WIPF1: variants seen among roughly 807,000 people sequenced by gnomAD.
WIPF1 encodes the protein WAS/WASL interacting protein family member 1, also known as WAS/WASL-interacting protein family member 1.
A neutral mutation model predicts 35.4 loss-of-function variants in WIPF1; 13 were observed. The ratio of observed to expected loss-of-function variants is 0.37; its 90% confidence interval spans 0.24 to 0.58. The LOEUF (loss-of-function observed/expected upper bound fraction) is 0.58. Among genes scored for constraint, WIPF1 ranks in the 20% least tolerant of loss-of-function variants. The probability of loss-of-function intolerance (pLI) is 0.74; values close to 1 mark genes in which losing one functional copy is unlikely to be tolerated. For missense variants in WIPF1, 591 were observed against 667.0 expected (o/e 0.89, Z 1.25); for synonymous variants, 267 against 266.3 (o/e 1.00, Z -0.02).
intron 1 of WIPF1, among the ~76,000 whole-genome samples, chr2:174,653,069 T>C (rs892958518): frequency 2.0e-5 from 3 of 152,206 alleles, no homozygotes; most frequent in Non-Finnish European, 4.4e-5. Flanking sequence ...TAATGATCAG[T>C]AGTCCTTTGG....
At position 174,562,451 on chromosome 2, in the gene WIPF1, A is replaced by G. The variant is rs1684509750; in HGVS notation, c.*96T>C. ...CTCCCACCTTTCCTCCTGCCCATAC[A>G]TGAGGCACAAGGGAAGAAGCAGGGA... On this transcript the variant is annotated 3_prime_UTR_variant, in exon 8 of 8. Transcript: ENST00000679041. The G allele has an allele frequency of 1.3e-6, 2 of 1,594,436 alleles. No individual in the cohort carries two copies. Among genetic ancestry groups the G allele is most frequent in the South Asian group, 2.3e-5 (2 of 88,372 alleles).
In WIPF1 at chr2:174,595,109, A is replaced by AAAAAATATATATAT. The variant is rs1553529785; in HGVS notation, c.-39+2491_-39+2492insATATATATATTTTT. On this transcript the variant is annotated intron_variant, in intron 1 of 7. Transcript: ENST00000679041. ...TCTACAAAAAAAAAAAAAAAAAAAA[A>AAAAAATATATATAT]ATATATATATATATATATATATATA... Among the ~76,000 whole-genome samples, 12 of 57,742 alleles carry AAAAAATATATATAT rather than the reference A, an allele frequency of 2.1e-4. 1 individual carries two copies. Among genetic ancestry groups the AAAAAATATATATAT allele is most frequent in the African/African-American group, 2.7e-4 (3 of 11,150 alleles). 37.9% of individuals were successfully genotyped at this position (57,742 alleles called of 152,430 possible).
intron 1 of WIPF1, among the ~76,000 whole-genome samples, chr2:174,679,819 TAC>T (rs1192921429): frequency 6.6e-6 from 1 of 152,182 alleles, no homozygotes; most frequent in East Asian, 1.9e-4. Flanking sequence ...CCATAATACC[TAC>T]AGAGTGAGGA....
chr2:174,584,963 C>T (rs1286979507), intron 2 of WIPF1, among the ~76,000 whole-genome samples: 1 of 151,430 alleles, frequency 6.6e-6, no homozygotes, highest in African/African-American at 2.4e-5. Flanking sequence ...AAATAAACAT[C>T]TAAATGCCTA....
At chr2:174,573,124 A>G (rs1177419313) in intron 4 of WIPF1, among the ~76,000 whole-genome samples, 2 of 152,138 alleles carry the variant, frequency 1.3e-5, no homozygotes, top group African/African-American at 2.4e-5. Flanking sequence ...TTTTTTTGGT[A>G]CCACGTCAAC....
At chr2:174,679,698 A>C (rs1688211024) in intron 1 of WIPF1, among the ~76,000 whole-genome samples, 1 of 152,224 alleles carries the variant, frequency 6.6e-6, no homozygotes, top group African/African-American at 2.4e-5. Flanking sequence ...AAGTGTATTA[A>C]GCAGAATAGC....
At chr2:174,635,529 G>GTTTTTTT (rs1197924942) in intron 1 of WIPF1, among the ~76,000 whole-genome samples, 37 of 115,600 alleles carry the variant, frequency 3.2e-4, no homozygotes, top group African/African-American at 6.1e-4. Context: ...CCTTCTGTTT[G>GTTTTTTT]TTTTTTTTTT....
intron 4 of WIPF1, among the ~76,000 whole-genome samples, chr2:174,573,201 A>C (rs1328182552): frequency 6.6e-6 from 1 of 150,964 alleles, no homozygotes; most frequent in Non-Finnish European, 1.5e-5. Context: ...GGAGAAACTA[A>C]AGGGGGAACC....
chr2:174,618,274 G>C (rs928814283), intron 1 of WIPF1, among the ~76,000 whole-genome samples: 7 of 152,202 alleles, frequency 4.6e-5, no homozygotes, highest in Non-Finnish European at 1.0e-4. Flanking sequence ...GTCCTGAAAA[G>C]CTCGGCACAG....
At chr2:174,679,467 CAA>C (rs202032725) in intron 1 of WIPF1, among the ~76,000 whole-genome samples, 49 of 107,476 alleles carry the variant, frequency 4.6e-4, no homozygotes, top group African/African-American at 7.5e-4. Context: ...AAATTTGTCT[CAA>C]AAAAAAAAAA....
chr2:174,639,616 C>G (rs1016327483), intron 1 of WIPF1, among the ~76,000 whole-genome samples: 1 of 151,934 alleles, frequency 6.6e-6, no homozygotes, highest in African/African-American at 2.4e-5. Flanking sequence ...GATATTAACC[C>G]CTTGTCAGAT....
intron 4 of WIPF1, 21 bp downstream of exon 4, chr2:174,575,183 A>G: frequency 6.3e-7 from 1 of 1,593,104 alleles, no homozygotes; most frequent in Non-Finnish European, 8.6e-7. Flanking sequence ...AGTCACTCAG[A>G]GACAGGGAAA....
intron 1 of WIPF1, among the ~76,000 whole-genome samples, chr2:174,652,523 G>A (rs758055451): frequency 1.3e-5 from 2 of 152,176 alleles, no homozygotes; most frequent in Admixed American, 1.3e-4. Flanking sequence ...TGGCCCTTTA[G>A]TATTTTCCTT....
chr2:174,658,703 A>G (rs1687695651), intron 1 of WIPF1, among the ~76,000 whole-genome samples: 2 of 152,058 alleles, frequency 1.3e-5, no homozygotes, highest in African/African-American at 4.8e-5. Context: ...AGCTTAGAGA[A>G]AGTGCAGGGT....
intron 1 of WIPF1, among the ~76,000 whole-genome samples, chr2:174,630,999 A>T (rs1251426562): frequency 6.6e-6 from 1 of 152,230 alleles, no homozygotes; most frequent in African/African-American, 2.4e-5. Flanking sequence ...TGATCTTATA[A>T]TATGAGGTAT....
At chr2:174,625,197 G>A (rs1574844349) in intron 1 of WIPF1, among the ~76,000 whole-genome samples, 1 of 152,176 alleles carries the variant, frequency 6.6e-6, no homozygotes, top group African/African-American at 2.4e-5. Flanking sequence ...TTGATGGAGG[G>A]CATGTTCTCA....
Position 174,595,088 on chromosome 2 carries a change from C to CAAAAAAAAA in WIPF1, c.-39+2504_-39+2512dup, listed in dbSNP as rs57521272. 3.0e-3 allele frequency among the ~76,000 whole-genome samples: 15 copies of CAAAAAAAAA among 5,070 alleles called. 5 individuals carry two copies. Among genetic ancestry groups the CAAAAAAAAA allele is most frequent in the South Asian group, 0.023 (2 of 86 alleles). The allele number at this position is 5,070 out of a possible 152,430, so 3.3% of individuals were successfully genotyped here. On this transcript the variant is annotated intron_variant, in intron 1 of 7. Coordinates refer to ENST00000679041, the MANE Select transcript of WIPF1 (RefSeq NM_001375834.1). ...AAACATAGTGGGACCCTCATCTCTA[C>CAAAAAAAAA]AAAAAAAAAAAAAAAAAAAAAATAT...
chr2:174,584,564 G>C (rs1233997773), intron 2 of WIPF1, among the ~76,000 whole-genome samples: 1 of 152,176 alleles, frequency 6.6e-6, no homozygotes, highest in African/African-American at 2.4e-5. Context: ...ACCAAGTGGA[G>C]AGTTGCCAAA....
At chr2:174,670,356 GCTTCTATTAGGATT>G (rs1687987332) in intron 1 of WIPF1, among the ~76,000 whole-genome samples, 1 of 152,202 alleles carries the variant, frequency 6.6e-6, no homozygotes, top group South Asian at 2.1e-4. Flanking sequence ...CACAGGGAAA[GCTTCTATTAGGATT>G]CTGCTATGCT....
Sources: allele counts gnomAD v4.1 joint callset (sites outside exome capture counted in the v4.1 genomes callset), GRCh38; gene constraint gnomAD v4.1.1; transcripts MANE v1.5; gene names NCBI Gene and HGNC (gene_info 2026-07-23, HGNC 2026-07-21).